Variants in ASAP2 observed in about 807,000 individuals in gnomAD.
ASAP2 encodes ArfGAP with SH3 domain, ankyrin repeat and PH domain 2.
ASAP2 carries 45 observed loss-of-function variants against 131.4 expected under a neutral mutation model. The ratio of observed to expected loss-of-function variants is 0.34; its 90% confidence interval spans 0.27 to 0.44. The LOEUF (loss-of-function observed/expected upper bound fraction) is 0.44, where lower values mean the gene tolerates loss of function less well. Among genes scored for constraint, ASAP2 ranks in the 20% least tolerant of loss-of-function variants. ASAP2 has a pLI of 1.00. For missense variants in ASAP2, 1,011 were observed against 1,297.0 expected (o/e 0.78, Z 3.39); for synonymous variants, 510 against 503.0 (o/e 1.01, Z -0.19).
chr2:9,388,602 GGGAA>G, intron 22 of ASAP2, 56 bp downstream of exon 22: 1 of 1,561,642 alleles, frequency 6.4e-7, no homozygotes, highest in Non-Finnish European at 8.6e-7. Context: ...TTTGTGGTTT[GGGAA>G]GTTTGCAGCT....
rs543947425 is a variant in ASAP2, at chr2:9,217,715, C to T, written c.126+10485C>T. On this transcript the variant is annotated intron_variant, in intron 1 of 27. Coordinates refer to ENST00000281419, the MANE Select transcript of ASAP2 (RefSeq NM_003887.3). The surrounding 1 kb of genome is among the most constrained non-coding windows in gnomAD (Gnocchi z 4.0). ...CTGCAAGCTCCGCCTCCTGGGTTCACGCCATTCTTCTGTCTCCGCCTCCCG... is the reference window on the plus strand; with the variant it reads ...CTGCAAGCTCCGCCTCCTGGGTTCATGCCATTCTTCTGTCTCCGCCTCCCG... 5.3e-5 allele frequency among the ~76,000 whole-genome samples: 8 copies of T among 151,794 alleles called. No individual in the cohort carries two copies. The East Asian group carries it at 5.8e-4, about 11-fold the overall frequency.
intron 24 of ASAP2, chr2:9,399,727 G>A (rs866168347): frequency 2.8e-5 from 13 of 465,582 alleles, no homozygotes; most frequent in Middle Eastern, 6.1e-4. Context: ...GACTCGGGGC[G>A]GGGCCAGTGG....
At chr2:9,390,592 A>T (rs1384979345) in intron 22 of ASAP2, among the ~76,000 whole-genome samples, 3 of 152,112 alleles carry the variant, frequency 2.0e-5, no homozygotes, top group African/African-American at 7.2e-5. Context: ...CCCCTCCTCT[A>T]GTGTCTGATT....
intron 6 of ASAP2, among the ~76,000 whole-genome samples, chr2:9,326,387 A>G (rs1670477305): frequency 6.6e-6 from 1 of 152,218 alleles, no homozygotes; most frequent in African/African-American, 2.4e-5. Flanking sequence ...TTTTAAAGCT[A>G]TGGAGCCCTT....
intron 2 of ASAP2, among the ~76,000 whole-genome samples, chr2:9,290,520 A>T (rs887798470): frequency 6.6e-6 from 1 of 152,220 alleles, no homozygotes; most frequent in Non-Finnish European, 1.5e-5. Context: ...TAATGTTCTT[A>T]ATAGGCACAG....
chr2:9,387,572 C>G (rs1372679814), intron 21 of ASAP2, among the ~76,000 whole-genome samples: 3 of 152,196 alleles, frequency 2.0e-5, no homozygotes, highest in Admixed American at 6.5e-5. Context: ...CTGGCCAGAG[C>G]TGGCCACCCT....
intron 3 of ASAP2, among the ~76,000 whole-genome samples, chr2:9,301,820 C>CTTTTTTTTTTTTTTTTTTTTTTTT (rs1177064910): frequency 4.3e-5 from 5 of 115,398 alleles, no homozygotes; most frequent in African/African-American, 1.4e-4. Flanking sequence ...TATCCATCAT[C>CTTTTTTTTTTTTTTTTTTTTTTTT]TTTTTTTTTT....
At chr2:9,397,189 C>T (rs960973212) in intron 24 of ASAP2, among the ~76,000 whole-genome samples, 1 of 152,164 alleles carries the variant, frequency 6.6e-6, no homozygotes, top group African/African-American at 2.4e-5. Context: ...GGGATTTACG[C>T]TTTCCATGCT....
At chr2:9,293,723 AC>A (rs1201033785) in intron 2 of ASAP2, among the ~76,000 whole-genome samples, 1 of 152,136 alleles carries the variant, frequency 6.6e-6, no homozygotes, top group Non-Finnish European at 1.5e-5. Flanking sequence ...AGAGGAAGAC[AC>A]GGGGCTTATG....
intron 3 of ASAP2, among the ~76,000 whole-genome samples, chr2:9,313,013 C>T (rs1362818207): frequency 1.3e-5 from 2 of 152,092 alleles, no homozygotes; most frequent in Non-Finnish European, 2.9e-5. Flanking sequence ...GAGCCAAGAT[C>T]GTGCCACTGC....
intron 1 of ASAP2, among the ~76,000 whole-genome samples, chr2:9,228,970 G>A (rs776514810): frequency 4.6e-5 from 7 of 152,138 alleles, no homozygotes; most frequent in African/African-American, 7.2e-5. Flanking sequence ...TGGAAGATCC[G>A]GTATCTCAGG....
rs910466970 is a variant in ASAP2 at position 9,403,521 on chromosome 2, A to G, written c.*194A>G. The G allele has an allele frequency of 1.8e-6, 1 of 553,030 alleles. No individual in the cohort carries two copies. Among genetic ancestry groups the G allele is most frequent in the African/African-American group, 1.9e-5 (1 of 52,296 alleles). The allele number at this position is 553,030 out of a possible 1,614,324, so 34.3% of individuals were successfully genotyped here. ...TTTTATAATTTGTGGTTTTCATGAA[A>G]CATTGCTATGCATTTATTAGGAAAA... On this transcript the variant is annotated 3_prime_UTR_variant, in exon 28 of 28. Transcript: ENST00000281419.
chr2:9,286,666 T>A (rs1285958548), intron 2 of ASAP2, among the ~76,000 whole-genome samples: 1 of 152,146 alleles, frequency 6.6e-6, no homozygotes. Context: ...CACAAAGATG[T>A]TCACTTTGTT....
chr2:9,342,654 A>G (rs909105824), intron 9 of ASAP2, among the ~76,000 whole-genome samples: 1 of 152,246 alleles, frequency 6.6e-6, no homozygotes, highest in African/African-American at 2.4e-5. Flanking sequence ...CAGTAGGTAA[A>G]TGGGACTTCA....
At position 9,207,040 on chromosome 2, in the gene ASAP2, C is replaced by G; in HGVS notation, c.-65C>G. 1 of 1,282,716 alleles carries G rather than the reference C, an allele frequency of 7.8e-7. No homozygotes were observed. The highest frequency in any genetic ancestry group is 3.4e-5 in the East Asian group (1 of 29,302). The allele number at this position is 1,282,716 out of a possible 1,614,324, so 79.5% of individuals were successfully genotyped here. On this transcript the variant is annotated 5_prime_UTR_variant, in exon 1 of 28. Transcript: ENST00000281419. The surrounding 1 kb of genome is among the most constrained non-coding windows in gnomAD (Gnocchi z 4.1). ...GGCGGTGTCCGAGCGGCGGTCGGAG[C>G]CTGCTGCGGCAGTTGAGGCGGCGGC...
chr2:9,338,208 G>C (rs989800911), intron 9 of ASAP2, among the ~76,000 whole-genome samples: 2 of 152,122 alleles, frequency 1.3e-5, no homozygotes, highest in African/African-American at 2.4e-5. Context: ...CTATGGGGAG[G>C]ATCAGGCTCT....
Position 9,207,260 on chromosome 2 carries a change from G to T in ASAP2, c.126+30G>T, listed in dbSNP as rs1049912074. 1 of 1,519,174 alleles carries T rather than the reference G, an allele frequency of 6.6e-7. No homozygotes were observed. The highest frequency in any genetic ancestry group is 1.4e-5 in the African/African-American group (1 of 70,958). The allele number at this position is 1,519,174 out of a possible 1,614,324, so 94.1% of individuals were successfully genotyped here. ...GGCGGCCTGCGCGGCGGCTCCGGCC[G>T]CAGGTATCCCGCGCCCCAGCCCCGC... On this transcript the variant is annotated intron_variant, in intron 1 of 27. Coordinates refer to ENST00000281419, the MANE Select transcript of ASAP2 (RefSeq NM_003887.3). This position sits in a 1 kb window ranked among gnomAD's most constrained non-coding sequence, Gnocchi z 4.1.
intron 21 of ASAP2, 132 bp downstream of exon 21, chr2:9,385,490 A>C: frequency 1.4e-6 from 1 of 709,816 alleles, no homozygotes; most frequent in Non-Finnish European, 2.4e-6. Flanking sequence ...GCTTTCATTG[A>C]TCTCAGTAGG....
chr2:9,210,316 T>G (rs1429690582), intron 1 of ASAP2, among the ~76,000 whole-genome samples: 1 of 152,252 alleles, frequency 6.6e-6, no homozygotes, highest in Non-Finnish European at 1.5e-5. Flanking sequence ...TTTCCTCAGC[T>G]TTAAAGTCTG....
Sources: allele counts gnomAD v4.1 joint callset (sites outside exome capture counted in the v4.1 genomes callset), GRCh38; gene constraint gnomAD v4.1.1; non-coding constraint Gnocchi (gnomAD v3.1); transcripts MANE v1.5; gene names NCBI Gene and HGNC (gene_info 2026-07-23, HGNC 2026-07-21).